The following FAT3 variants were observed in gnomAD, a reference collection of about 807,000 sequenced individuals.
The protein encoded by FAT3 is protocadherin Fat 3.
FAT3 carries 95 observed loss-of-function variants against 310.2 expected under a neutral mutation model. The ratio of observed to expected loss-of-function variants is 0.31; its 90% confidence interval spans 0.26 to 0.36. FAT3 has a LOEUF of 0.36. Among genes scored for constraint, FAT3 ranks in the 10% least tolerant of loss-of-function variants. The pLI is 1.00. For missense variants in FAT3, 5,408 were observed against 5,715.6 expected (o/e 0.95, Z 1.74); for synonymous variants, 2,314 against 2,192.9 (o/e 1.06, Z -1.54).
chr11:92,249,333 G>A (rs1421158412), intron 1 of FAT3, among the ~76,000 whole-genome samples: 2 of 152,012 alleles, frequency 1.3e-5, no homozygotes, highest in African/African-American at 4.8e-5. Flanking sequence ...CTGTGACTTA[G>A]GAGAAGGAAA....
chr11:92,567,962 A>G (rs921173741), intron 3 of FAT3, among the ~76,000 whole-genome samples: 2 of 152,078 alleles, frequency 1.3e-5, no homozygotes, highest in African/African-American at 4.8e-5. Flanking sequence ...TAGTGGGTGC[A>G]GTGCACCCGC....
chr11:92,642,965 C>G (rs1199422028), intron 3 of FAT3, among the ~76,000 whole-genome samples: 1 of 152,204 alleles, frequency 6.6e-6, no homozygotes, highest in East Asian at 1.9e-4. Flanking sequence ...TTCAATTATC[C>G]TAGTGACCCT....
At chr11:92,748,381 G>A (rs1565562262) in intron 4 of FAT3, among the ~76,000 whole-genome samples, 2 of 152,294 alleles carry the variant, frequency 1.3e-5, no homozygotes, top group Non-Finnish European at 2.9e-5. Context: ...AATTCAAGGT[G>A]AGATTTGGGT....
At chr11:92,294,601 C>T (rs1315616979) in intron 1 of FAT3, among the ~76,000 whole-genome samples, 2 of 151,786 alleles carry the variant, frequency 1.3e-5, no homozygotes, top group Non-Finnish European at 2.9e-5. Context: ...AGAGGACAGC[C>T]ATCAAGAGTT....
intron 4 of FAT3, among the ~76,000 whole-genome samples, chr11:92,713,791 T>C (rs1944596356): frequency 6.6e-6 from 1 of 152,226 alleles, no homozygotes; most frequent in Admixed American, 6.5e-5. Flanking sequence ...AACATAATAG[T>C]ATGTATATCA....
At chr11:92,550,841 G>T (rs1462975114) in intron 3 of FAT3, among the ~76,000 whole-genome samples, 2 of 144,706 alleles carry the variant, frequency 1.4e-5, no homozygotes, top group Non-Finnish European at 3.0e-5. Flanking sequence ...ATGCTAAAAT[G>T]TCCCTGGCAT....
At chr11:92,643,660 A>G (rs1942042677) in intron 3 of FAT3, among the ~76,000 whole-genome samples, 1 of 152,220 alleles carries the variant, frequency 6.6e-6, no homozygotes, top group African/African-American at 2.4e-5. Flanking sequence ...TCAGAGATAG[A>G]TGAAGACAGT....
intron 1 of FAT3, among the ~76,000 whole-genome samples, chr11:92,247,454 C>T (rs560227560): frequency 5.3e-5 from 8 of 152,032 alleles, no homozygotes; most frequent in African/African-American, 1.9e-4. Flanking sequence ...TTCACTCTTT[C>T]CTCATTTTTT....
chr11:92,532,777 T>G (rs1954124736), intron 3 of FAT3, among the ~76,000 whole-genome samples: 1 of 152,158 alleles, frequency 6.6e-6, no homozygotes, highest in African/African-American at 2.4e-5. Context: ...CCAAATCCTG[T>G]TCCTGCTTAA....
At chr11:92,590,205 G>A (rs1939357097) in intron 3 of FAT3, among the ~76,000 whole-genome samples, 2 of 152,212 alleles carry the variant, frequency 1.3e-5, no homozygotes, top group Admixed American at 6.6e-5. Context: ...GGTATAAGCA[G>A]TATACTGTAG....
intron 2 of FAT3, among the ~76,000 whole-genome samples, chr11:92,501,012 T>C (rs1190721291): frequency 6.6e-6 from 1 of 152,056 alleles, no homozygotes; most frequent in African/African-American, 2.4e-5. Flanking sequence ...CCCCCTTACA[T>C]TCCCTATGTT....
Position 92,591,441 on chromosome 11 carries a change from T to A in FAT3, c.3607+66493T>A, listed in dbSNP as rs776411335. On this transcript the variant is annotated intron_variant, in intron 3 of 27. Coordinates refer to ENST00000525166, the MANE Select transcript of FAT3 (RefSeq NM_001367949.2). Reference sequence around the variant, plus strand: ...GGAAGTATTTAGGAACACTGTGGGATGTATTTATATATTTCTGTTAATCCA... The same window carrying A: ...GGAAGTATTTAGGAACACTGTGGGAAGTATTTATATATTTCTGTTAATCCA... 1.1e-4 allele frequency among the ~76,000 whole-genome samples: 16 copies of A among 152,294 alleles called. 1 individual carries two copies. Among genetic ancestry groups the A allele is most frequent in the South Asian group, 2.1e-4 (1 of 4,828 alleles).
chr11:92,299,288 G>T (rs188617646), intron 1 of FAT3, among the ~76,000 whole-genome samples: 5 of 152,194 alleles, frequency 3.3e-5, no homozygotes, highest in Non-Finnish European at 4.4e-5. Flanking sequence ...GACAAGATTT[G>T]CTTCCTGATG....
At chr11:92,728,051 C>T (rs1358742553) in intron 4 of FAT3, among the ~76,000 whole-genome samples, 1 of 152,138 alleles carries the variant, frequency 6.6e-6, no homozygotes, top group African/African-American at 2.4e-5. Context: ...CTGACACCTC[C>T]CAGGGAGTGG....
chr11:92,289,500 T>TAC (rs10562084), intron 1 of FAT3, among the ~76,000 whole-genome samples: 6,346 of 144,272 alleles, frequency 0.044, 150 homozygotes, highest in South Asian at 0.07. Context: ...CCATGATAGA[T>TAC]ACACACACAC....
intron 2 of FAT3, among the ~76,000 whole-genome samples, chr11:92,445,420 T>A (rs1277463109): frequency 6.6e-6 from 1 of 152,026 alleles, no homozygotes; most frequent in Non-Finnish European, 1.5e-5. Context: ...CTGGTTTTCA[T>A]TGTTCTCCCA....
intron 18 of FAT3, among the ~76,000 whole-genome samples, chr11:92,841,127 C>T (rs540584348): frequency 2.6e-5 from 4 of 152,264 alleles, no homozygotes; most frequent in Non-Finnish European, 5.9e-5. Flanking sequence ...CCATTTCATG[C>T]CTCTGCTTGA....
At chr11:92,697,771 A>G (rs1412182083) in intron 4 of FAT3, among the ~76,000 whole-genome samples, 1 of 152,192 alleles carries the variant, frequency 6.6e-6, no homozygotes, top group Non-Finnish European at 1.5e-5. Context: ...CGGGGGCCAC[A>G]GACGTAAAAA....
In FAT3 at chr11:92,844,048, A is replaced by G. The variant is rs1010491790; in HGVS notation, c.10681A>G (p.Met3561Val). ...AIPLEIFIVT[M>V]EDDFPGGVIG... ...TCCCCTGGAAATTTTCATTGTCACCATGGAGGATGACTTTCCTGGTGGGGT... is the reference window on the plus strand; with the variant it reads ...TCCCCTGGAAATTTTCATTGTCACCGTGGAGGATGACTTTCCTGGTGGGGT... Residue 3561 changes from methionine (M) to valine (V), a missense_variant, in exon 19 of 28, where the codon ATG becomes GTG. Physicochemically the swap from Met to Val is conservative, Grantham distance 21. Transcript: ENST00000525166. 5 of 1,614,002 alleles carry G rather than the reference A, an allele frequency of 3.1e-6. No homozygotes were observed. The highest frequency in any genetic ancestry group is 4.2e-6 in the Non-Finnish European group (5 of 1,179,890).
Sources: allele counts gnomAD v4.1 joint callset (sites outside exome capture counted in the v4.1 genomes callset), GRCh38; gene constraint gnomAD v4.1.1; transcripts MANE v1.5; gene names NCBI Gene and HGNC (gene_info 2026-07-23, HGNC 2026-07-21).